RBFOX1: variants seen among roughly 807,000 people sequenced by gnomAD.
RBFOX1 encodes RNA binding fox-1 homolog 1, also known as RNA binding protein fox-1 homolog 1.
In RBFOX1, 8 loss-of-function variants were observed where a neutral mutation model predicts 57.7. The observed-to-expected ratio is 0.14, with a 90% confidence interval of 0.08 to 0.25. The LOEUF (loss-of-function observed/expected upper bound fraction) is 0.25. RBFOX1 is among the 10% of genes least tolerant of loss of function. The probability of loss-of-function intolerance (pLI) is 1.00; values close to 1 mark genes in which losing one functional copy is unlikely to be tolerated. For synonymous variants in RBFOX1, 326 were observed against 222.4 expected (o/e 1.47, Z -4.15); for missense variants, 611 against 548.5 (o/e 1.11, Z -1.14).
intron 1 of RBFOX1, among the ~76,000 whole-genome samples, chr16:5,338,818 G>A (rs1397315849): frequency 2.0e-5 from 3 of 152,020 alleles, no homozygotes; most frequent in Non-Finnish European, 2.9e-5. Flanking sequence ...TACCACACCT[G>A]CCTATTTTTT....
At chr16:5,841,313 T>C (rs1040466363) in intron 3 of RBFOX1, among the ~76,000 whole-genome samples, 18 of 152,142 alleles carry the variant, frequency 1.2e-4, no homozygotes, top group African/African-American at 4.3e-4. Context: ...CACAGCTGGA[T>C]TCAGGGAATG....
chr16:5,847,380 A>C (rs1179348641), intron 3 of RBFOX1, among the ~76,000 whole-genome samples: 2 of 150,204 alleles, frequency 1.3e-5, no homozygotes, highest in African/African-American at 4.9e-5. Flanking sequence ...GTGGGGGGGG[A>C]ATCTTAAAAT....
chr16:6,392,068 C>T (rs2092629601), intron 2 of RBFOX1, among the ~76,000 whole-genome samples: 1 of 152,194 alleles, frequency 6.6e-6, no homozygotes, highest in Non-Finnish European at 1.5e-5. Context: ...GATAATCCCT[C>T]TTCAATAATT....
chr16:6,002,536 T>G (rs1005109655), intron 4 of RBFOX1, among the ~76,000 whole-genome samples: 1 of 152,256 alleles, frequency 6.6e-6, no homozygotes, highest in Admixed American at 6.5e-5. Flanking sequence ...AAGGTTGAAG[T>G]AGGTGGAGAT....
intron 3 of RBFOX1, among the ~76,000 whole-genome samples, chr16:7,049,028 T>C (rs114407455): frequency 6.6e-6 from 1 of 152,158 alleles, no homozygotes; most frequent in Non-Finnish European, 1.5e-5. Context: ...TCAAAGCTTA[T>C]GGAAACATTT....
intron 4 of RBFOX1, among the ~76,000 whole-genome samples, chr16:7,307,781 T>G (rs1274859081): frequency 1.3e-5 from 2 of 152,178 alleles, no homozygotes; most frequent in Non-Finnish European, 2.9e-5. Flanking sequence ...AGAGCATATA[T>G]TTTGTGGTTG....
chr16:5,816,398 C>G (rs780873725), intron 3 of RBFOX1, among the ~76,000 whole-genome samples: 5 of 152,194 alleles, frequency 3.3e-5, no homozygotes, highest in Non-Finnish European at 7.3e-5. Context: ...AAACCGTCTT[C>G]TCTCCTTGAC....
chr16:6,764,258 G>A (rs559549655), intron 3 of RBFOX1, among the ~76,000 whole-genome samples: 2 of 152,158 alleles, frequency 1.3e-5, no homozygotes, highest in African/African-American at 4.8e-5. Context: ...GGACTTGAAA[G>A]CACTGAAGTT....
chr16:6,287,055 G>T (rs1048638729), intron 1 of RBFOX1, among the ~76,000 whole-genome samples: 1 of 151,974 alleles, frequency 6.6e-6, no homozygotes, highest in South Asian at 2.1e-4. Context: ...AGTTGGGCTG[G>T]GTATAAAATG....
At chr16:6,129,586 G>C (rs1029398007) in intron 1 of RBFOX1, among the ~76,000 whole-genome samples, 7 of 151,748 alleles carry the variant, frequency 4.6e-5, no homozygotes, top group African/African-American at 1.7e-4. Context: ...GGAGGAGAGA[G>C]AGAATAGGAT....
chr16:6,729,975 A>T (rs1471504016), intron 3 of RBFOX1, among the ~76,000 whole-genome samples: 1 of 152,078 alleles, frequency 6.6e-6, no homozygotes, highest in Non-Finnish European at 1.5e-5. Context: ...CCTGATGCCA[A>T]CAAATGACTA....
intron 1 of RBFOX1, among the ~76,000 whole-genome samples, chr16:6,052,977 T>C (rs2095572066): frequency 1.3e-5 from 2 of 152,126 alleles, no homozygotes. Flanking sequence ...TAATAATGTT[T>C]GCAGTGGTAA....
chr16:5,531,185 C>G (rs2044463964), intron 2 of RBFOX1, among the ~76,000 whole-genome samples: 1 of 151,926 alleles, frequency 6.6e-6, no homozygotes, highest in African/African-American at 2.4e-5. Context: ...AGGTGGGATA[C>G]TTTAGGGGAT....
chr16:5,708,473 TTAG>T (rs1252483346), intron 3 of RBFOX1, among the ~76,000 whole-genome samples: 6 of 152,324 alleles, frequency 3.9e-5, no homozygotes, highest in Admixed American at 2.6e-4. Context: ...TTTCAGGCTA[TTAG>T]TAGATCCACC....
chr16:5,505,838 CGT>C (rs1384806105), intron 2 of RBFOX1, among the ~76,000 whole-genome samples: 2 of 152,092 alleles, frequency 1.3e-5, no homozygotes, highest in Admixed American at 1.3e-4. Flanking sequence ...CCGTGGTTTG[CGT>C]GTGTGTCTAG....
At chr16:7,222,178 A>G (rs538311315) in intron 4 of RBFOX1, among the ~76,000 whole-genome samples, 208 of 146,298 alleles carry the variant, frequency 1.4e-3, no homozygotes, top group African/African-American at 4.9e-3. Flanking sequence ...AGACAGTGCC[A>G]TAGACACGAC....
intron 2 of RBFOX1, among the ~76,000 whole-genome samples, chr16:5,590,467 G>A (rs2046970062): frequency 6.6e-6 from 1 of 152,294 alleles, no homozygotes; most frequent in Non-Finnish European, 1.5e-5. Flanking sequence ...CCTACGAAGG[G>A]CTGGGGGTGG....
intron 4 of RBFOX1, among the ~76,000 whole-genome samples, chr16:7,153,772 T>G (rs1235379563): frequency 6.6e-6 from 1 of 151,026 alleles, no homozygotes; most frequent in East Asian, 2.0e-4. Context: ...AGGACATGTG[T>G]TTTATTGTTC....
chr16:7,599,638 C>CTT lies in RBFOX1; in HGVS notation c.622+2218_622+2219dup, dbSNP rs542898195. Reference sequence around the variant, plus strand: ...GAGAAGATGAAGAAATTAATAAAGACTTTTTTTTTTTTCTTTTTTTTTTTT... The same window carrying CTT: ...GAGAAGATGAAGAAATTAATAAAGACTTTTTTTTTTTTTTCTTTTTTTTTTTT... On this transcript the variant is annotated intron_variant, in intron 9 of 15. Transcript: ENST00000550418. 5.4e-3 allele frequency among the ~76,000 whole-genome samples: 338 copies of CTT among 62,738 alleles called. 59 individuals carry two copies. Among genetic ancestry groups the CTT allele is most frequent in the African/African-American group, 0.014 (293 of 20,274 alleles). 41.2% of individuals were successfully genotyped at this position (62,738 alleles called of 152,430 possible).
Sources: allele counts gnomAD v4.1 joint callset (sites outside exome capture counted in the v4.1 genomes callset), GRCh38; gene constraint gnomAD v4.1.1; transcripts MANE v1.5; gene names NCBI Gene and HGNC (gene_info 2026-07-23, HGNC 2026-07-21).